Variants in FBXW7 observed in about 807,000 individuals in gnomAD.
FBXW7 encodes the protein F-box and WD repeat domain containing 7, also known as F-box/WD repeat-containing protein 7.
A neutral mutation model predicts 86.3 loss-of-function variants in FBXW7; 11 were observed. The ratio of observed to expected loss-of-function variants is 0.13; its 90% CI spans 0.08 to 0.21. The LOEUF is 0.21. Among genes scored for constraint, FBXW7 ranks in the 10% least tolerant of loss-of-function variants. The pLI, the probability that FBXW7 is intolerant of heterozygous loss-of-function variation, is 1.00. For missense variants in FBXW7, 488 were observed against 847.4 expected, an observed-to-expected ratio of 0.58 and a Z score of 5.27; for synonymous variants, 313 against 297.9, an observed-to-expected ratio of 1.05 and a Z score of -0.52.
chr4:152,451,488 TC>T (rs752683069), intron 2 of FBXW7, among the ~76,000 whole-genome samples: 1 of 152,070 alleles, frequency 6.6e-6, no homozygotes, highest in African/African-American at 2.4e-5. Context: ...TTTTTATAGT[TC>T]CCCTAAAGGT....
chr4:152,331,954 T>C (rs1048739039), intron 8 of FBXW7, among the ~76,000 whole-genome samples: 1 of 152,078 alleles, frequency 6.6e-6, no homozygotes, highest in Non-Finnish European at 1.5e-5. Flanking sequence ...TGCTTCCTAC[T>C]TGACTATAAC....
chr4:152,414,745 G>A (rs1738277420), intron 2 of FBXW7, among the ~76,000 whole-genome samples: 1 of 151,950 alleles, frequency 6.6e-6, no homozygotes. Context: ...TTTCAAGGTA[G>A]TGGAAAGTCC....
intron 2 of FBXW7, among the ~76,000 whole-genome samples, chr4:152,468,933 T>C (rs1457373090): frequency 9.9e-5 from 15 of 152,058 alleles, no homozygotes; most frequent in Admixed American, 9.2e-4. Context: ...AAAATCTGTT[T>C]AAGAGATCTC....
At chr4:152,357,382 G>A (rs534113946) in intron 4 of FBXW7, among the ~76,000 whole-genome samples, 32 of 151,356 alleles carry the variant, frequency 2.1e-4, no homozygotes, top group African/African-American at 6.8e-4. Context: ...GTGCAGTGGC[G>A]CAATCTCGGC....
intron 2 of FBXW7, among the ~76,000 whole-genome samples, chr4:152,527,865 T>TATACAC (rs1554003395): frequency 0.01 from 1,424 of 137,458 alleles, 9 homozygotes; most frequent in African/African-American, 0.014. Flanking sequence ...AAAAATTATA[T>TATACAC]ACACACACAC....
At chr4:152,406,844 T>G (rs1253584775) in intron 4 of FBXW7, among the ~76,000 whole-genome samples, 1 of 152,068 alleles carries the variant, frequency 6.6e-6, no homozygotes, top group Admixed American at 6.6e-5. Context: ...CACTAGAGGG[T>G]GATATGATGA....
At chr4:152,481,008 T>C (rs1744829687) in intron 2 of FBXW7, among the ~76,000 whole-genome samples, 1 of 152,218 alleles carries the variant, frequency 6.6e-6, no homozygotes, top group Non-Finnish European at 1.5e-5. Flanking sequence ...GATTTTCAAT[T>C]GAGATGAAAT....
At chr4:152,466,173 A>T (rs984402759) in intron 2 of FBXW7, among the ~76,000 whole-genome samples, 1 of 152,212 alleles carries the variant, frequency 6.6e-6, no homozygotes, top group Admixed American at 6.5e-5. Flanking sequence ...AGACAACATT[A>T]TAGGTCAAAA....
At position 152,410,037 on chromosome 4, in the gene FBXW7, T is replaced by C. The variant is rs191508037; in HGVS notation, c.501+1266A>G. On this transcript the variant is annotated intron_variant, in intron 4 of 13. Transcript: ENST00000281708. ...GTTTCCTACAGAATATAAGGATGAC[T>C]TTTCCTTTTGGAAAAAGATAATGTT... Among the ~76,000 whole-genome samples, 96 of 152,338 alleles carry C rather than the reference T, an allele frequency of 6.3e-4. 1 individual carries two copies. Among genetic ancestry groups the C allele is most frequent in the African/African-American group, 2.2e-3 (93 of 41,590 alleles).
chr4:152,410,026 A>G (rs1358335074), intron 4 of FBXW7, among the ~76,000 whole-genome samples: 4 of 152,206 alleles, frequency 2.6e-5, no homozygotes, highest in South Asian at 2.1e-4. Context: ...CCTACAGAAT[A>G]TAAGGATGAC....
intron 4 of FBXW7, among the ~76,000 whole-genome samples, chr4:152,387,479 A>G (rs1049403031): frequency 1.3e-5 from 2 of 152,118 alleles, no homozygotes; most frequent in Non-Finnish European, 2.9e-5. Context: ...CCTACCAAGC[A>G]ATTCACAAAT....
At chr4:152,522,366 G>T (rs1749104524) in intron 2 of FBXW7, among the ~76,000 whole-genome samples, 1 of 152,112 alleles carries the variant, frequency 6.6e-6, no homozygotes, top group South Asian at 2.1e-4. Context: ...ACCTTAAAAA[G>T]AAATGAAACC....
At chr4:152,370,568 A>G (rs1273012542) in intron 4 of FBXW7, among the ~76,000 whole-genome samples, 1 of 152,012 alleles carries the variant, frequency 6.6e-6, no homozygotes, top group African/African-American at 2.4e-5. Context: ...CAAGTTAATT[A>G]TATCAAAATA....
chr4:152,468,133 A>G (rs1743622795), intron 2 of FBXW7, among the ~76,000 whole-genome samples: 1 of 152,156 alleles, frequency 6.6e-6, no homozygotes, highest in Non-Finnish European at 1.5e-5. Flanking sequence ...TGAAATACAA[A>G]AGACTGACAA....
At chr4:152,341,182 T>C (rs115948577) in intron 6 of FBXW7, among the ~76,000 whole-genome samples, 40 of 152,306 alleles carry the variant, frequency 2.6e-4, no homozygotes, top group African/African-American at 8.2e-4. Context: ...CTTAAAACCT[T>C]CTAATGGCTT....
At chr4:152,358,456 T>C (rs1415810735) in intron 4 of FBXW7, among the ~76,000 whole-genome samples, 1 of 152,026 alleles carries the variant, frequency 6.6e-6, no homozygotes, top group Non-Finnish European at 1.5e-5. Context: ...TGGGATTAAT[T>C]TCCTAAATTA....
At chr4:152,340,602 A>T (rs1337729724) in intron 6 of FBXW7, among the ~76,000 whole-genome samples, 1 of 148,504 alleles carries the variant, frequency 6.7e-6, no homozygotes, top group Non-Finnish European at 1.5e-5. Flanking sequence ...AAAAAAAAGG[A>T]TACCACTGAT....
At chr4:152,443,881 G>A (rs1741129175) in intron 2 of FBXW7, among the ~76,000 whole-genome samples, 1 of 152,128 alleles carries the variant, frequency 6.6e-6, no homozygotes, top group South Asian at 2.1e-4. Flanking sequence ...TATTTCAAAG[G>A]TTGAGTCTAA....
chr4:152,321,858 A>C lies in FBXW7; in HGVS notation c.*1023T>G, dbSNP rs1728586401. The C allele has an allele frequency of 4.3e-6, 1 of 232,686 alleles. No individual in the cohort carries two copies. The highest frequency in any genetic ancestry group is 2.2e-5 in the African/African-American group (1 of 45,280). The allele number at this position is 232,686 out of a possible 1,614,324, so 14.4% of individuals were successfully genotyped here. ...AATTTTTGCCCAGATAAAAGAAAAT[A>C]AGCTTTGCACACACTCTCAATTCTT... On this transcript the variant is annotated 3_prime_UTR_variant, in exon 14 of 14. Coordinates refer to ENST00000281708, the MANE Select transcript of FBXW7 (RefSeq NM_001349798.2).
Sources: allele counts gnomAD v4.1 joint callset (sites outside exome capture counted in the v4.1 genomes callset), GRCh38; gene constraint gnomAD v4.1.1; transcripts MANE v1.5; gene names NCBI Gene and HGNC (gene_info 2026-07-23, HGNC 2026-07-21).